ACACA: variants seen among roughly 807,000 people sequenced by gnomAD.
ACACA encodes acetyl-CoA carboxylase alpha, also known as acetyl-CoA carboxylase 1.
A neutral mutation model predicts 296.1 loss-of-function variants in ACACA; 103 were observed. The ratio of observed to expected loss-of-function variants is 0.35; its 90% CI spans 0.30 to 0.41. The LOEUF (loss-of-function observed/expected upper bound fraction) is 0.41, where lower values mean the gene tolerates loss of function less well. ACACA is among the 10% of genes least tolerant of loss of function. The pLI, the probability that ACACA is intolerant of heterozygous loss-of-function variation, is 1.00. For missense variants in ACACA, 1,554 were observed against 2,989.7 expected, an observed-to-expected ratio of 0.52 and a Z score of 11.20; for synonymous variants, 953 against 1,038.6, an observed-to-expected ratio of 0.92 and a Z score of 1.58.
At chr17:37,111,106 C>T (rs1042856015) in intron 52 of ACACA, among the ~76,000 whole-genome samples, 2 of 152,074 alleles carry the variant, frequency 1.3e-5, no homozygotes, top group African/African-American at 2.4e-5. Context: ...AGGAAGACCC[C>T]GGAACACCAC....
intron 3 of ACACA, among the ~76,000 whole-genome samples, chr17:37,286,824 C>A (rs2082797141): frequency 6.6e-6 from 1 of 152,114 alleles, no homozygotes; most frequent in Non-Finnish European, 1.5e-5. Context: ...CAGGCACCAG[C>A]CCTCCAGGAG....
At chr17:37,173,802 G>T (rs1465462731) in intron 41 of ACACA, among the ~76,000 whole-genome samples, 1 of 148,306 alleles carries the variant, frequency 6.7e-6, no homozygotes, top group Non-Finnish European at 1.5e-5. Flanking sequence ...CAAAATACCA[G>T]TCATGATGGC....
At chr17:37,259,650 CAT>C in intron 11 of ACACA, 120 bp from the exon 12 acceptor site, 1 of 982,234 alleles carries the variant, frequency 1.0e-6, no homozygotes, top group South Asian at 1.3e-5. Flanking sequence ...CTTTTAGCCA[CAT>C]GAGAGCACAT....
intron 35 of ACACA, among the ~76,000 whole-genome samples, chr17:37,194,508 A>G (rs1227674176): frequency 1.3e-5 from 2 of 152,308 alleles, no homozygotes; most frequent in East Asian, 3.9e-4. Context: ...CTAGTGCCAG[A>G]GCCCATGCCC....
chr17:37,235,677 T>C (rs1236690755), intron 24 of ACACA, among the ~76,000 whole-genome samples: 3 of 152,146 alleles, frequency 2.0e-5, no homozygotes, highest in Non-Finnish European at 4.4e-5. Context: ...ATGAGAAGTG[T>C]GACTGCTACC....
At chr17:37,313,337 C>A (rs2046939244) in intron 3 of ACACA, among the ~76,000 whole-genome samples, 1 of 151,784 alleles carries the variant, frequency 6.6e-6, no homozygotes, top group African/African-American at 2.4e-5. Flanking sequence ...AACTATGAAT[C>A]TTGGGAGAAA....
chr17:37,152,418 G>A (rs2144175771), intron 43 of ACACA, among the ~76,000 whole-genome samples: 1 of 152,330 alleles, frequency 6.6e-6, no homozygotes. Flanking sequence ...GCTCAGCTTA[G>A]TTTCTCAAGT....
chr17:37,132,483 C>A (rs1436902359), intron 45 of ACACA, among the ~76,000 whole-genome samples: 1 of 152,112 alleles, frequency 6.6e-6, no homozygotes, highest in Non-Finnish European at 1.5e-5. Context: ...GGACAGACTG[C>A]CTCTCTGTTA....
chr17:37,096,861 A>T, intron 54 of ACACA, 135 bp downstream of exon 54: 1 of 1,068,916 alleles, frequency 9.4e-7, no homozygotes. Context: ...CTGGGGGAGG[A>T]AACAGCTTGG....
At chr17:37,390,171 T>C (rs1296112976) in intron 1 of ACACA, among the ~76,000 whole-genome samples, 14,958 of 56,118 alleles carry the variant, frequency 0.27, 3,021 homozygotes, top group East Asian at 0.77. Context: ...TATATATATA[T>C]ATATACACAC....
chr17:37,129,325 T>G (rs543113874), intron 47 of ACACA, 40 bp downstream of exon 47: 1 of 1,613,238 alleles, frequency 6.2e-7, no homozygotes, highest in East Asian at 2.2e-5. Flanking sequence ...GCTAAAAGCT[T>G]AAGAGCCAGG....
rs746918152 is a variant in ACACA, at chr17:37,113,237, A to C, written c.6303T>G (p.Gly2101=). 1.2e-5 allele frequency: 19 copies of C among 1,614,104 alleles called. No homozygotes were observed. The highest frequency in any genetic ancestry group is 5.0e-5 in the Admixed American group (3 of 60,008). The part of the protein sequence containing the change: ...KDMYDQVLKF[G]AYIVDGLREC... ...CCCTCAAGCCATCCACAATGTAAGC[A>C]CCAAACTTCAGCACTTGGTCGTACA... The change falls in exon 51 of 56, where the codon GGT becomes GGG. Residue 2101 remains glycine, a synonymous_variant. Coordinates refer to ENST00000616317, the MANE Select transcript of ACACA (RefSeq NM_198834.3). This position sits in a 1 kb window ranked among gnomAD's most constrained non-coding sequence, Gnocchi z 4.0.
intron 1 of ACACA, among the ~76,000 whole-genome samples, chr17:37,395,862 G>C (rs927480006): frequency 6.6e-6 from 1 of 152,214 alleles, no homozygotes; most frequent in Non-Finnish European, 1.5e-5. Flanking sequence ...TTTTTAAAGG[G>C]TTGATGTCAC....
At chr17:37,154,688 G>T (rs2076170011) in intron 43 of ACACA, among the ~76,000 whole-genome samples, 1 of 152,024 alleles carries the variant, frequency 6.6e-6, no homozygotes, top group African/African-American at 2.4e-5. Flanking sequence ...GTAGGGATGG[G>T]GTTTCTCCAT....
intron 1 of ACACA, chr17:37,365,354 T>C: frequency 5.4e-6 from 4 of 745,642 alleles, no homozygotes; most frequent in Non-Finnish European, 6.5e-6. Flanking sequence ...CTCTTATAGT[T>C]TGCTACCCCC....
intron 16 of ACACA, among the ~76,000 whole-genome samples, chr17:37,249,374 A>G (rs546981991): frequency 9.8e-5 from 15 of 152,352 alleles, no homozygotes; most frequent in African/African-American, 1.9e-4. Flanking sequence ...AATACCCAGA[A>G]GTGGTATTAC....
chr17:37,390,113 G>A (rs1289752799), intron 1 of ACACA, among the ~76,000 whole-genome samples: 1 of 104,420 alleles, frequency 9.6e-6, no homozygotes, highest in Non-Finnish European at 1.8e-5. Context: ...GCAACATAGC[G>A]AGACACTGTC....
intron 10 of ACACA, among the ~76,000 whole-genome samples, chr17:37,268,743 A>ATATATATC (rs2081925257): frequency 2.0e-5 from 2 of 102,070 alleles, no homozygotes; most frequent in East Asian, 2.9e-4. Context: ...CTATCTATCT[A>ATATATATC]TATATATATA....
chr17:37,266,756 A>G (rs1218589759), intron 10 of ACACA, among the ~76,000 whole-genome samples: 2 of 152,246 alleles, frequency 1.3e-5, no homozygotes, highest in African/African-American at 2.4e-5. Context: ...ATAAGCAACT[A>G]GAAGCACTCC....
Sources: gnomAD v4.1 joint callset for allele counts (sites outside exome capture counted in the v4.1 genomes callset) on GRCh38, gnomAD v4.1.1 for gene constraint, Gnocchi (gnomAD v3.1) non-coding constraint, MANE v1.5 for transcripts, NCBI Gene and HGNC (gene_info 2026-07-23, HGNC 2026-07-21) for gene names.